Variants in NTRK2 observed in about 807,000 individuals in gnomAD.
NTRK2 encodes the protein BDNF/NT-3 growth factors receptor.
NTRK2 carries 13 observed loss-of-function variants against 94.5 expected under a neutral mutation model. The observed-to-expected ratio is 0.14, with a 90% CI of 0.09 to 0.22. The LOEUF (loss-of-function observed/expected upper bound fraction) is 0.22, where lower values mean the gene tolerates loss of function less well. Ranked by LOEUF, NTRK2 falls within the 10% of genes least tolerant of loss-of-function variation. The pLI is 1.00. For synonymous variants in NTRK2, 372 were observed against 407.4 expected, an observed-to-expected ratio of 0.91 and a Z score of 1.05; for missense variants, 639 against 1,071.2, an observed-to-expected ratio of 0.60 and a Z score of 5.63.
chr9:84,710,506 G>A (rs2061361727), intron 5 of NTRK2, 131 bp from the exon 6 acceptor site: 1 of 881,890 alleles, frequency 1.1e-6, no homozygotes, highest in Non-Finnish European at 1.9e-6. Context: ...GTACTGTCAT[G>A]CTATGAAAGT....
chr9:84,780,674 G>A (rs1364883685), intron 12 of NTRK2, among the ~76,000 whole-genome samples: 1 of 152,162 alleles, frequency 6.6e-6, no homozygotes, highest in Non-Finnish European at 1.5e-5. Context: ...TACTAACATG[G>A]GTACTGTGTA....
intron 17 of NTRK2, among the ~76,000 whole-genome samples, chr9:84,989,271 A>G (rs1227329602): frequency 6.6e-6 from 1 of 152,152 alleles, no homozygotes. Context: ...ATCTCTTTAT[A>G]TTCTCAGTTG....
intron 14 of NTRK2, among the ~76,000 whole-genome samples, chr9:84,902,386 T>C (rs1210626079): frequency 6.6e-6 from 1 of 151,876 alleles, no homozygotes; most frequent in African/African-American, 2.4e-5. Flanking sequence ...TTAGGGTGAG[T>C]GAGTGTGCAT....
At chr9:85,009,718 G>A (rs10123600) in intron 17 of NTRK2, among the ~76,000 whole-genome samples, 1 of 151,982 alleles carries the variant, frequency 6.6e-6, no homozygotes, top group Non-Finnish European at 1.5e-5. Flanking sequence ...CCTTCAAAAC[G>A]AAGATCACAA....
intron 17 of NTRK2, among the ~76,000 whole-genome samples, chr9:84,991,505 C>G (rs1030361876): frequency 6.6e-6 from 1 of 152,172 alleles, no homozygotes; most frequent in African/African-American, 2.4e-5. Flanking sequence ...ACCGTGGAAG[C>G]TCTCCATCTC....
At position 84,888,611 on chromosome 9, in the gene NTRK2, C is replaced by CAAAAAAAAAAA. The variant is rs71369158; in HGVS notation, c.1633+21208_1633+21218dup. Among the ~76,000 whole-genome samples, 16 of 33,846 alleles carry CAAAAAAAAAAA rather than the reference C, an allele frequency of 4.7e-4. 1 individual carries two copies. The highest frequency in any genetic ancestry group is 5.6e-4 in the Non-Finnish European group (12 of 21,618). The allele number at this position is 33,846 out of a possible 152,430, so 22.2% of individuals were successfully genotyped here. On this transcript the variant is annotated intron_variant, in intron 14 of 18. Transcript: ENST00000277120. ...CTGGCGACAGAGCAACACTCCATCT[C>CAAAAAAAAAAA]AAAAAAAAAAAAAAAAAAAAAAAAA...
In NTRK2 at chr9:84,947,808, C is replaced by A. The variant is rs115350901; in HGVS notation, c.1765-654C>A. The stretch of plus-strand genomic sequence containing the variant: ...CATTATTTGCATCACTAAATGCCAG[C>A]TTTGCCCTGTTATGACACCACAGTG... On this transcript the variant is annotated intron_variant, in intron 15 of 18. Transcript: ENST00000277120. 9.4e-3 allele frequency among the ~76,000 whole-genome samples: 1,434 copies of A among 152,344 alleles called. 23 individuals are homozygous for A. Among genetic ancestry groups the A allele is most frequent in the African/African-American group, 0.032 (1,334 of 41,578 alleles).
intron 12 of NTRK2, among the ~76,000 whole-genome samples, chr9:84,816,778 C>CAAA (rs61094948): frequency 3.0e-4 from 25 of 82,582 alleles, no homozygotes; most frequent in Non-Finnish European, 4.2e-4. Context: ...GACTCCATCT[C>CAAA]AAAAAAAAAA....
intron 12 of NTRK2, among the ~76,000 whole-genome samples, chr9:84,839,301 C>T (rs2074043916): frequency 6.6e-6 from 1 of 152,164 alleles, no homozygotes; most frequent in East Asian, 1.9e-4. Flanking sequence ...TTTTAATTGG[C>T]CTGTCTTGTA....
rs151216211 is a variant in NTRK2 at position 85,011,385 on chromosome 9, C to G, written c.2173-8821C>G. 5.7e-3 allele frequency among the ~76,000 whole-genome samples: 866 copies of G among 152,152 alleles called. 25 individuals are homozygous for G. Among genetic ancestry groups the G allele is most frequent in the Admixed American group, 0.039 (595 of 15,298 alleles). On this transcript the variant is annotated intron_variant, in intron 17 of 18. Coordinates refer to ENST00000277120, the MANE Select transcript of NTRK2 (RefSeq NM_006180.6). ...AGTGTTATAAACTGAATATTTGTGC[C>G]CCTCAAAATATATACATCAAAGCCC...
chr9:84,970,425 A>T (rs973675511), intron 17 of NTRK2, among the ~76,000 whole-genome samples: 1 of 152,104 alleles, frequency 6.6e-6, no homozygotes, highest in African/African-American at 2.4e-5. Context: ...CAATAATAAT[A>T]ATAATACCTT....
At chr9:84,917,811 ACAGT>A (rs1426131102) in intron 14 of NTRK2, among the ~76,000 whole-genome samples, 1 of 152,180 alleles carries the variant, frequency 6.6e-6, no homozygotes, top group Non-Finnish European at 1.5e-5. Flanking sequence ...AGCCAACAAA[ACAGT>A]CAGGCGCCAG....
intron 14 of NTRK2, among the ~76,000 whole-genome samples, chr9:84,890,209 C>T (rs1352949829): frequency 6.6e-6 from 1 of 152,180 alleles, no homozygotes; most frequent in Non-Finnish European, 1.5e-5. Flanking sequence ...TTAGGTCACA[C>T]TAGGTCACTA....
intron 17 of NTRK2, among the ~76,000 whole-genome samples, chr9:84,958,559 A>C (rs987291821): frequency 7.2e-5 from 11 of 152,034 alleles, no homozygotes; most frequent in Non-Finnish European, 1.6e-4. Context: ...TGTTAATTTC[A>C]CCCCCGTGGC....
At chr9:85,000,289 A>G (rs1226637232) in intron 17 of NTRK2, among the ~76,000 whole-genome samples, 1 of 152,058 alleles carries the variant, frequency 6.6e-6, no homozygotes, top group Non-Finnish European at 1.5e-5. Flanking sequence ...TTCACTCTTG[A>G]TGTGCTTTCT....
chr9:84,916,321 G>T (rs1342062569), intron 14 of NTRK2, among the ~76,000 whole-genome samples: 1 of 152,134 alleles, frequency 6.6e-6, no homozygotes, highest in East Asian at 1.9e-4. Flanking sequence ...ACTCAGAAGA[G>T]AGCTAAAATA....
At chr9:84,877,197 T>C in intron 14 of NTRK2, 1 of 1,065,286 alleles carries the variant, frequency 9.4e-7, no homozygotes. Flanking sequence ...CAGATTTGAG[T>C]CTAATGGCTG....
At chr9:84,792,474 A>G (rs992729769) in intron 12 of NTRK2, among the ~76,000 whole-genome samples, 3 of 152,344 alleles carry the variant, frequency 2.0e-5, no homozygotes, top group African/African-American at 7.2e-5. Context: ...CTTCACCATC[A>G]GTCAAATTCA....
intron 2 of NTRK2, among the ~76,000 whole-genome samples, chr9:84,688,604 A>C (rs2131509511): frequency 6.6e-6 from 1 of 152,302 alleles, no homozygotes; most frequent in Middle Eastern, 3.4e-3. Context: ...ATTAGCTACC[A>C]GCTTCCTCCT....
Sources: allele counts gnomAD v4.1 joint callset (sites outside exome capture counted in the v4.1 genomes callset), GRCh38; gene constraint gnomAD v4.1.1; transcripts MANE v1.5; gene names NCBI Gene and HGNC (gene_info 2026-07-23, HGNC 2026-07-21).